Variants in NMUR2 observed in about 807,000 individuals in gnomAD.
The protein encoded by NMUR2 is neuromedin U receptor 2.
A neutral mutation model predicts 25.1 loss-of-function variants in NMUR2; 24 were observed. The observed-to-expected ratio is 0.96, with a 90% confidence interval of 0.69 to 1.34. The LOEUF is 1.34. NMUR2 is among the 40% of genes most tolerant of loss of function. NMUR2 has a pLI of 0.00. For missense variants in NMUR2, 533 were observed against 512.8 expected (o/e 1.04, Z -0.38); for synonymous variants, 218 against 208.1 (o/e 1.05, Z -0.41).
In NMUR2 at chr5:152,391,741, T is replaced by A. The variant is rs1753062783; in HGVS notation, c.*450A>T. On this transcript the variant is annotated 3_prime_UTR_variant, in exon 4 of 4. Coordinates refer to ENST00000255262, the MANE Select transcript of NMUR2 (RefSeq NM_020167.5). The stretch of plus-strand genomic sequence containing the variant: ...AATAAAACAAGTTATGCCTGTAGAC[T>A]GCTGCCAAGGGACACTGATGTTGGC... 6.4e-6 allele frequency: 1 copy of A among 156,996 alleles called. No homozygotes were observed. The highest frequency in any genetic ancestry group is 1.4e-5 in the Non-Finnish European group (1 of 70,732). 9.7% of individuals were successfully genotyped at this position (156,996 alleles called of 1,614,324 possible). A position where few individuals can be genotyped will look rare whatever the true frequency, so the allele number is the denominator to read the frequency against.
intron 3 of NMUR2, 146 bp from the exon 4 acceptor site, chr5:152,392,647 A>T (rs1753081607): frequency 3.1e-6 from 2 of 648,284 alleles, no homozygotes; most frequent in East Asian, 5.4e-5. Flanking sequence ...CTAATTGAGA[A>T]TACAAAATGC....
intron 3 of NMUR2, among the ~76,000 whole-genome samples, chr5:152,393,923 C>T (rs932004713): frequency 2.0e-5 from 3 of 151,930 alleles, no homozygotes; most frequent in African/African-American, 7.3e-5. Context: ...CTCTAATTAC[C>T]AATTTGATAA....
chr5:152,395,534 G>A lies in NMUR2; in HGVS notation c.862C>T (p.Arg288Ter), dbSNP rs751944704. ...TCCTCCACAAAGCTGAAGAAGAGTC[G>A]GTCAATGTGGAACGGGGCCCAACAG... ...AICWAPFHIDRLFFSFVEEWS... is the reference protein window; with the variant it reads ...AICWAPFHID Residue 288 changes from arginine to a stop codon, truncating the protein, a stop_gained, in exon 3 of 4, where the codon CGA becomes TGA. Transcript: ENST00000255262. LOFTEE classifies it high-confidence loss of function. 1.5e-5 allele frequency: 25 copies of A among 1,613,486 alleles called. No homozygotes were observed. The highest frequency in any genetic ancestry group is 1.7e-4 in the Middle Eastern group (1 of 6,058).
chr5:152,395,104 A>G lies in NMUR2; in HGVS notation c.937+355T>C, dbSNP rs1753126597. Among the ~76,000 whole-genome samples the G allele has an allele frequency of 7.9e-5, 12 of 152,238 alleles. 1 individual carries two copies. In the South Asian group the frequency reaches 2.5e-3, roughly 32 times the overall value. ...CTTCATGAGGATATAATACTTCCCA[A>G]AGGCAATATGAGATTTCAGGGACAT... On this transcript the variant is annotated intron_variant, in intron 3 of 3. Coordinates refer to ENST00000255262, the MANE Select transcript of NMUR2 (RefSeq NM_020167.5).
chr5:152,398,351 C>A (rs1447104031), intron 1 of NMUR2, among the ~76,000 whole-genome samples: 1 of 152,060 alleles, frequency 6.6e-6, no homozygotes, highest in Admixed American at 6.6e-5. Flanking sequence ...TGATTGTGGC[C>A]AAGTAATAGT....
intron 1 of NMUR2, among the ~76,000 whole-genome samples, chr5:152,398,833 A>T (rs996212708): frequency 6.6e-6 from 1 of 152,172 alleles, no homozygotes; most frequent in African/African-American, 2.4e-5. Context: ...TTTTAATATT[A>T]CAGTAATATT....
In NMUR2 at chr5:152,397,913, C is replaced by G. The variant is rs868724415; in HGVS notation, c.811+147G>C. 274 of 582,946 alleles carry G rather than the reference C, an allele frequency of 4.7e-4. 3 individuals are homozygous for G. The Middle Eastern group carries it at 0.027, about 58-fold the overall frequency. The allele number at this position is 582,946 out of a possible 1,614,324, so 36.1% of individuals were successfully genotyped here. ...AGGTGTCTTCATTATATATCTCTCC[C>G]CTTTGCTCCTTGATCTTAATCTACT... On this transcript the variant is annotated intron_variant, in intron 2 of 3. Coordinates refer to ENST00000255262, the MANE Select transcript of NMUR2 (RefSeq NM_020167.5).
chr5:152,397,083 A>G (rs1429471515), intron 2 of NMUR2, among the ~76,000 whole-genome samples: 1 of 147,340 alleles, frequency 6.8e-6, no homozygotes, highest in Admixed American at 6.9e-5. Context: ...TGAAGAAACT[A>G]TGTTTCTTGA....
At chr5:152,395,728 C>T in intron 2 of NMUR2, 144 bp from the exon 3 acceptor site, 1 of 740,726 alleles carries the variant, frequency 1.4e-6, no homozygotes, top group Middle Eastern at 3.5e-4. Context: ...CAAACTAGAT[C>T]CCAAAGAGTC....
In NMUR2 at chr5:152,404,590, A is replaced by G; in HGVS notation, c.524T>C (p.Val175Ala). 1 of 1,614,144 alleles carries G rather than the reference A, an allele frequency of 6.2e-7. No homozygotes were observed. Among genetic ancestry groups the G allele is most frequent in the Non-Finnish European group, 8.5e-7 (1 of 1,180,028 alleles). ...GCTGGTGTTGGGCAGGGAGAAGAGC[A>G]CGGAGAAGCCCCAGACGATGCCGAG... ...RILGIVWGFS[V>A]LFSLPNTSIH... Residue 175 changes from valine (V) to alanine (A), a missense_variant, in exon 1 of 4, where the codon GTG becomes GCG. By Grantham distance (64) the Val-to-Ala change is moderately conservative. Transcript: ENST00000255262.
At chr5:152,395,643 A>T (rs530823707) in intron 2 of NMUR2, 59 bp from the exon 3 acceptor site, 13 of 1,581,148 alleles carry the variant, frequency 8.2e-6, no homozygotes, top group Non-Finnish European at 1.1e-5. Flanking sequence ...TAGGTATACA[A>T]TGCTCACTCT....
chr5:152,396,294 A>G (rs1278649148), intron 2 of NMUR2, among the ~76,000 whole-genome samples: 1 of 151,988 alleles, frequency 6.6e-6, no homozygotes, highest in East Asian at 1.9e-4. Flanking sequence ...GATTCGCCTA[A>G]AGATAATCTT....
Position 152,392,373 on chromosome 5 carries a change from G to C in NMUR2, c.1066C>G (p.Gln356Glu). ...ATGTTCCGCTGGGCAGGTGGCAACT[G>C]TGGGTCATGCTGGGAGTGCCACTGT... ...HKQWHSQHDP[Q>E]LPPAQRNIFL... The change falls in exon 4 of 4, where the codon CAG becomes GAG. Residue 356 changes from glutamine to glutamate, a missense_variant. Physicochemically the swap from Gln to Glu is conservative, Grantham distance 29. Transcript: ENST00000255262. 1.2e-6 allele frequency: 2 copies of C among 1,614,086 alleles called. No homozygotes were observed. The highest frequency in any genetic ancestry group is 1.7e-6 in the Non-Finnish European group (2 of 1,179,956).
intron 3 of NMUR2, among the ~76,000 whole-genome samples, chr5:152,394,959 T>C (rs543579086): frequency 6.6e-6 from 1 of 151,050 alleles, no homozygotes; most frequent in African/African-American, 2.4e-5. Context: ...CAAATCCAGG[T>C]CATCTGACTT....
chr5:152,404,484 C>T lies in NMUR2; in HGVS notation c.630G>A (p.Met210Ile), dbSNP rs1474853495. ...GSATCTVIKP[M>I]WIYNFIIQVT... ...CCTGGATGATGAAATTGTAGATCCA[C>T]ATGGGCTTGATGACCGTACAGGTGG... Residue 210 changes from methionine to isoleucine, a missense_variant, in exon 1 of 4, where the codon ATG (methionine) becomes ATA (isoleucine). Coordinates refer to ENST00000255262, the MANE Select transcript of NMUR2 (RefSeq NM_020167.5). 2 of 1,614,126 alleles carry T rather than the reference C, an allele frequency of 1.2e-6. No homozygotes were observed. Among genetic ancestry groups the T allele is most frequent in the East Asian group, 2.2e-5 (1 of 44,868 alleles).
intron 3 of NMUR2, 88 bp downstream of exon 3, chr5:152,395,371 T>C: frequency 1.2e-5 from 17 of 1,435,452 alleles, no homozygotes; most frequent in Admixed American, 1.9e-5. Flanking sequence ...CCGTGATAAA[T>C]TGGAGTACTT....
At chr5:152,397,801 C>T (rs2113098144) in intron 2 of NMUR2, among the ~76,000 whole-genome samples, 1 of 151,994 alleles carries the variant, frequency 6.6e-6, no homozygotes, top group Non-Finnish European at 1.5e-5. Flanking sequence ...GGGTTCAAAA[C>T]CAAAAATGAA....
intron 3 of NMUR2, among the ~76,000 whole-genome samples, chr5:152,393,538 T>C (rs973968013): frequency 3.3e-5 from 5 of 152,230 alleles, no homozygotes; most frequent in African/African-American, 1.2e-4. Context: ...ACTCTTATTA[T>C]GTGCCATGAA....
At chr5:152,399,560 A>G (rs1249555175) in intron 1 of NMUR2, among the ~76,000 whole-genome samples, 1 of 152,078 alleles carries the variant, frequency 6.6e-6, no homozygotes, top group Non-Finnish European at 1.5e-5. Context: ...TTTTTTTTCC[A>G]CCACAAAGAA....
Sources: allele counts gnomAD v4.1 joint callset (sites outside exome capture counted in the v4.1 genomes callset), GRCh38; gene constraint gnomAD v4.1.1; transcripts MANE v1.5; gene names NCBI Gene and HGNC (gene_info 2026-07-23, HGNC 2026-07-21).